The following MIPOL1 variants were observed in gnomAD, a reference collection of about 807,000 sequenced individuals.
MIPOL1 encodes mirror-image polydactyly gene 1 protein.
MIPOL1 carries 57 observed loss-of-function variants against 60.9 expected under a neutral mutation model. That is an observed-to-expected ratio of 0.94 (90% confidence interval 0.76 to 1.17). The LOEUF is 1.17. Ranked by LOEUF, MIPOL1 falls within the 50% of genes most tolerant of loss-of-function variation. The pLI, the probability that MIPOL1 is intolerant of heterozygous loss-of-function variation, is 0.00. For synonymous variants in MIPOL1, 179 were observed against 168.8 expected (o/e 1.06, Z -0.47); for missense variants, 551 against 511.6 (o/e 1.08, Z -0.74).
chr14:37,434,375 A>T (rs1209076910), intron 11 of MIPOL1: 1 of 151,760 alleles, frequency 6.6e-6, no homozygotes. Flanking sequence ...TTTTTTGATG[A>T]GGTTGTTTTT....
chr14:37,291,019 C>T (rs2085007996), intron 7 of MIPOL1, among the ~76,000 whole-genome samples: 1 of 152,164 alleles, frequency 6.6e-6, no homozygotes, highest in Non-Finnish European at 1.5e-5. Flanking sequence ...CAGCTCCACC[C>T]ATGTTCCTGT....
intron 7 of MIPOL1, among the ~76,000 whole-genome samples, chr14:37,291,648 G>A (rs982179160): frequency 2.0e-5 from 3 of 152,014 alleles, no homozygotes; most frequent in Admixed American, 6.6e-5. Context: ...TAGAGTATCT[G>A]GGACTAGGTA....
chr14:37,285,285 ATGAT>A (rs1246034532), intron 6 of MIPOL1, 29 bp from the exon 7 acceptor site: 2 of 1,611,122 alleles, frequency 1.2e-6, no homozygotes, highest in Non-Finnish European at 1.7e-6. Context: ...TTTATTTTGT[ATGAT>A]TGATTGTGCG....
At chr14:37,230,769 C>A (rs1450772553) in intron 1 of MIPOL1, among the ~76,000 whole-genome samples, 1 of 152,066 alleles carries the variant, frequency 6.6e-6, no homozygotes, top group African/African-American at 2.4e-5. Context: ...CAAAGTGAGT[C>A]TATTTCTCCA....
At chr14:37,217,656 A>G (rs1479984259) in intron 1 of MIPOL1, among the ~76,000 whole-genome samples, 1 of 152,244 alleles carries the variant, frequency 6.6e-6, no homozygotes, top group Non-Finnish European at 1.5e-5. Flanking sequence ...AATCATTTCA[A>G]TTGACGCTGA....
chr14:37,516,339 T>G (rs961033468), intron 12 of MIPOL1, among the ~76,000 whole-genome samples: 5 of 152,212 alleles, frequency 3.3e-5, no homozygotes, highest in Non-Finnish European at 7.3e-5. Context: ...TTGTGTTTTA[T>G]GGAGTACAGT....
At chr14:37,426,592 T>C (rs71407593) in intron 11 of MIPOL1, among the ~76,000 whole-genome samples, 97 of 126,650 alleles carry the variant, frequency 7.7e-4, no homozygotes, top group Middle Eastern at 4.0e-3. Context: ...TATATATATA[T>C]ATACACACAC....
intron 10 of MIPOL1, among the ~76,000 whole-genome samples, chr14:37,390,819 T>C (rs1405703273): frequency 6.6e-6 from 1 of 150,974 alleles, no homozygotes; most frequent in Non-Finnish European, 1.5e-5. Flanking sequence ...ATAATTAGAG[T>C]CTCTGAAGGA....
rs183518976 is a variant in MIPOL1, at chr14:37,400,761, C to A, written c.937-22094C>A. 3.1e-4 allele frequency: 47 copies of A among 152,214 alleles called. 1 individual carries two copies. Among genetic ancestry groups the A allele is most frequent in the African/African-American group, 1.1e-3 (47 of 41,554 alleles). 9.4% of individuals were successfully genotyped at this position (152,214 alleles called of 1,614,324 possible). A position where few individuals can be genotyped will look rare whatever the true frequency, so the allele number is the denominator to read the frequency against. On this transcript the variant is annotated intron_variant, in intron 10 of 12. Coordinates refer to ENST00000684589, the MANE Select transcript of MIPOL1 (RefSeq NM_001388067.1). The stretch of plus-strand genomic sequence containing the variant: ...ATGGTTGTGCCCTACAGAAAGTTGC[C>A]AATCTACCTAATGAAGAAACTGCTT...
At chr14:37,528,533 T>G (rs2095461430) in intron 12 of MIPOL1, among the ~76,000 whole-genome samples, 1 of 152,098 alleles carries the variant, frequency 6.6e-6, no homozygotes, top group South Asian at 2.1e-4. Flanking sequence ...TTAACTCCCT[T>G]TAAGTATATG....
At chr14:37,519,357 C>A (rs186346061) in intron 12 of MIPOL1, among the ~76,000 whole-genome samples, 1 of 152,210 alleles carries the variant, frequency 6.6e-6, no homozygotes, top group East Asian at 1.9e-4. Context: ...TAAGTGATGG[C>A]AGATAGACCT....
chr14:37,285,372 C>T lies in MIPOL1; in HGVS notation c.548C>T (p.Ser183Phe). Residue 183 changes from serine to phenylalanine, a missense_variant, in exon 7 of 13, where the codon TCT becomes TTT. Ser to Phe is a radical substitution (Grantham distance 155). Transcript: ENST00000684589. The stretch of plus-strand genomic sequence containing the variant: ...AAGGAACGTGATGAAGCTGTTATGT[C>T]TAGACTGCAATTAGCCATTGAGGAG... ...AQKERDEAVM[S>F]RLQLAIEERD... 4 of 1,613,952 alleles carry T rather than the reference C, an allele frequency of 2.5e-6. No individual in the cohort carries two copies. In the South Asian group the frequency reaches 3.3e-5, roughly 13 times the overall value.
At position 37,415,709 on chromosome 14, in the gene MIPOL1, G is replaced by A. The variant is rs560991312; in HGVS notation, c.937-7146G>A. On this transcript the variant is annotated intron_variant, in intron 10 of 12. Transcript: ENST00000684589. The stretch of plus-strand genomic sequence containing the variant: ...ATTTATAGCATAGTAGTTAAAAGGA[G>A]AGACTTGGGCCATAATTCCTGAGTT... Among the ~76,000 whole-genome samples the A allele has an allele frequency of 6.6e-5, 10 of 152,014 alleles. No homozygotes were observed. In the South Asian group the frequency reaches 1.9e-3, roughly 28 times the overall value.
chr14:37,421,292 C>T (rs972234294), intron 10 of MIPOL1, among the ~76,000 whole-genome samples: 1 of 152,114 alleles, frequency 6.6e-6, no homozygotes, highest in East Asian at 1.9e-4. Context: ...AGCATTTGTA[C>T]ATACGTAGCA....
intron 9 of MIPOL1, among the ~76,000 whole-genome samples, chr14:37,337,287 T>C (rs1346648120): frequency 7.0e-6 from 1 of 143,714 alleles, no homozygotes; most frequent in Non-Finnish European, 1.5e-5. Flanking sequence ...TGGCTAATGA[T>C]GTTGAATGCC....
intron 12 of MIPOL1, among the ~76,000 whole-genome samples, chr14:37,540,647 G>T (rs1301208361): frequency 2.0e-5 from 3 of 151,950 alleles, no homozygotes; most frequent in Non-Finnish European, 2.9e-5. Context: ...TTACACCTCA[G>T]CTCCTTTTAA....
rs148036916 is a variant in MIPOL1, at chr14:37,305,988, TCA to T, written c.624-2063_624-2062del. On this transcript the variant is annotated intron_variant, in intron 7 of 12. Coordinates refer to ENST00000684589, the MANE Select transcript of MIPOL1 (RefSeq NM_001388067.1). ...ATATATTATGTGCTTTTAGCAGCAA[TCA>T]CACAAATTATTTAAAGTCTGAATAC... Among the ~76,000 whole-genome samples the T allele has an allele frequency of 3.0e-3, 457 of 151,960 alleles. 3 individuals carry two copies. The highest frequency in any genetic ancestry group is 9.4e-3 in the African/African-American group (391 of 41,546).
intron 1 of MIPOL1, among the ~76,000 whole-genome samples, chr14:37,223,866 C>T (rs1429446188): frequency 6.6e-6 from 1 of 152,150 alleles, no homozygotes; most frequent in Non-Finnish European, 1.5e-5. Context: ...AAATTATGTA[C>T]TGCTAAAATG....
chr14:37,445,212 A>G (rs887245870), intron 11 of MIPOL1, among the ~76,000 whole-genome samples: 125 of 151,832 alleles, frequency 8.2e-4, no homozygotes, highest in South Asian at 3.5e-3. Flanking sequence ...TAAGCTGATA[A>G]GCAACTTCAG....
Sources: allele counts gnomAD v4.1 joint callset (sites outside exome capture counted in the v4.1 genomes callset), GRCh38; gene constraint gnomAD v4.1.1; transcripts MANE v1.5; gene names NCBI Gene and HGNC (gene_info 2026-07-23, HGNC 2026-07-21).